Variants in KCNN3 observed in about 807,000 individuals in gnomAD.
The protein encoded by KCNN3 is potassium calcium-activated channel subfamily N member 3.
Under a neutral mutation model 62.9 loss-of-function variants are expected in KCNN3, and 16 were observed. The observed-to-expected ratio is 0.25, with a 90% CI of 0.17 to 0.39. KCNN3 has a LOEUF of 0.39. Ranked by LOEUF, KCNN3 falls within the 10% of genes least tolerant of loss-of-function variation. The pLI, the probability that KCNN3 is intolerant of heterozygous loss-of-function variation, is 1.00. For synonymous variants in KCNN3, 370 were observed against 389.2 expected (o/e 0.95, Z 0.58); for missense variants, 599 against 949.4 (o/e 0.63, Z 4.85).
chr1:154,825,918 G>T (rs1036926559), intron 1 of KCNN3, among the ~76,000 whole-genome samples: 5 of 151,598 alleles, frequency 3.3e-5, no homozygotes, highest in African/African-American at 1.2e-4. Flanking sequence ...CGTGGTGGCA[G>T]GCGCCTGTAG....
intron 3 of KCNN3, chr1:154,737,016 A>G (rs1033690632): frequency 8.5e-6 from 6 of 701,836 alleles, no homozygotes; most frequent in Middle Eastern, 2.3e-4. Context: ...GAGCTTCGTC[A>G]TGGAGATAAG....
At chr1:154,715,095 C>T (rs1446633729) in intron 5 of KCNN3, 92 bp from the exon 6 acceptor site, 14 of 1,472,654 alleles carry the variant, frequency 9.5e-6, no homozygotes, top group Admixed American at 6.8e-5. Flanking sequence ...CATAAGGAAA[C>T]GATTTTGCAA....
chr1:154,751,237 G>GGA (rs1287306917), intron 3 of KCNN3, among the ~76,000 whole-genome samples: 1 of 152,164 alleles, frequency 6.6e-6, no homozygotes, highest in African/African-American at 2.4e-5. Flanking sequence ...TACAATATGA[G>GGA]GATTTGGCTA....
At chr1:154,730,100 T>C (rs2101788563) in intron 4 of KCNN3, among the ~76,000 whole-genome samples, 1 of 152,356 alleles carries the variant, frequency 6.6e-6, no homozygotes, top group Admixed American at 6.5e-5. Context: ...CACTGTCATT[T>C]CCAATTCTGG....
intron 5 of KCNN3, among the ~76,000 whole-genome samples, chr1:154,715,400 T>A (rs1163835362): frequency 8.1e-6 from 1 of 123,928 alleles, no homozygotes; most frequent in Non-Finnish European, 1.6e-5. Context: ...CACGCCATAC[T>A]CCAGCCTTGG....
At chr1:154,831,276 C>A (rs1651369109) in intron 1 of KCNN3, among the ~76,000 whole-genome samples, 1 of 152,132 alleles carries the variant, frequency 6.6e-6, no homozygotes, top group Non-Finnish European at 1.5e-5. Flanking sequence ...AGACTTAAAC[C>A]TTTGGGCTCC....
chr1:154,727,165 G>A (rs1230015077), intron 4 of KCNN3, among the ~76,000 whole-genome samples: 1 of 152,164 alleles, frequency 6.6e-6, no homozygotes, highest in African/African-American at 2.4e-5. Flanking sequence ...TGCATGCTGT[G>A]CCCTGCGCCG....
chr1:154,765,134 A>C (rs1648199738), intron 3 of KCNN3, among the ~76,000 whole-genome samples: 1 of 152,184 alleles, frequency 6.6e-6, no homozygotes, highest in Non-Finnish European at 1.5e-5. Flanking sequence ...GGGTATGTCT[A>C]GGGGTGGCTC....
intron 3 of KCNN3, among the ~76,000 whole-genome samples, chr1:154,770,559 A>C (rs1337118218): frequency 6.6e-6 from 1 of 152,180 alleles, no homozygotes; most frequent in Non-Finnish European, 1.5e-5. Flanking sequence ...ATTACACAGG[A>C]TGCTTCACCA....
intron 3 of KCNN3, among the ~76,000 whole-genome samples, chr1:154,751,835 A>G (rs187707505): frequency 5.3e-5 from 8 of 152,152 alleles, no homozygotes; most frequent in African/African-American, 1.9e-4. Flanking sequence ...ACTAAAACCC[A>G]CCTCTGACTC....
rs529867560 is a variant in KCNN3 at position 154,812,586 on chromosome 1, C to T, written c.1029+9503G>A. ...TTCTATTAAGCTGAGCACTTGTTCC[C>T]CATGACTTTGGAGAAGTGGGAGTGC... On this transcript the variant is annotated intron_variant, in intron 2 of 7. Coordinates refer to ENST00000271915, the MANE Select transcript of KCNN3 (RefSeq NM_002249.6). Among the ~76,000 whole-genome samples the T allele has an allele frequency of 2.6e-5, 4 of 152,242 alleles. No homozygotes were observed. The South Asian group carries it at 6.2e-4, about 24-fold the overall frequency.
rs376517691 is a variant in KCNN3, at chr1:154,809,008, G to A, written c.1029+13081C>T. On this transcript the variant is annotated intron_variant, in intron 2 of 7. Transcript: ENST00000271915. This position sits in a 1 kb window ranked among gnomAD's most constrained non-coding sequence, Gnocchi z 4.3. Reference sequence around the variant, plus strand: ...TGCTCTGCGCCCACTGGATGGCTCCGCCGTGTCTGGTTACTGATCTCTGGT... The same window carrying A: ...TGCTCTGCGCCCACTGGATGGCTCCACCGTGTCTGGTTACTGATCTCTGGT... 2.6e-5 allele frequency among the ~76,000 whole-genome samples: 4 copies of A among 152,150 alleles called. No homozygotes were observed. Among genetic ancestry groups the A allele is most frequent in the Admixed American group, 1.3e-4 (2 of 15,278 alleles).
intron 5 of KCNN3, among the ~76,000 whole-genome samples, chr1:154,717,096 C>T (rs147422294): frequency 1.3e-5 from 2 of 152,318 alleles, no homozygotes; most frequent in Admixed American, 6.5e-5. Flanking sequence ...TGCTATGAGG[C>T]AGTGATGATG....
intron 7 of KCNN3, 78 bp from the exon 8 acceptor site, chr1:154,708,350 G>T (rs1209306592): frequency 9.9e-6 from 14 of 1,420,068 alleles, no homozygotes; most frequent in Non-Finnish European, 1.4e-5. Context: ...GAAATGAAAC[G>T]CCCTCCACAG....
rs990994720 is a variant in KCNN3, at chr1:154,864,121, G to A, written c.933+4911C>T. On this transcript the variant is annotated intron_variant, in intron 1 of 7. Transcript: ENST00000271915. The stretch of plus-strand genomic sequence containing the variant: ...GACAAAATGTGTGCCTAGGGCCCTC[G>A]GCAGTGGGCTCGCAGGCTCTCAGCC... Among the ~76,000 whole-genome samples the A allele has an allele frequency of 3.3e-5, 5 of 152,284 alleles. No individual in the cohort carries two copies. In the Middle Eastern group the frequency reaches 0.01, roughly 311 times the overall value.
At chr1:154,783,734 A>G (rs891521968) in intron 2 of KCNN3, among the ~76,000 whole-genome samples, 2 of 152,222 alleles carry the variant, frequency 1.3e-5, no homozygotes, top group African/African-American at 4.8e-5. Flanking sequence ...ACCTTGGGCC[A>G]GTCCCATGAG....
At chr1:154,806,119 T>C (rs1650163389) in intron 2 of KCNN3, among the ~76,000 whole-genome samples, 2 of 151,954 alleles carry the variant, frequency 1.3e-5, no homozygotes, top group Non-Finnish European at 2.9e-5. Flanking sequence ...AATGGGGCCG[T>C]TGTGGGGTAT....
At chr1:154,750,317 C>T (rs1472593514) in intron 3 of KCNN3, among the ~76,000 whole-genome samples, 1 of 152,208 alleles carries the variant, frequency 6.6e-6, no homozygotes, top group Non-Finnish European at 1.5e-5. Context: ...CTCCTGCACC[C>T]CTCCTCACCC....
intron 1 of KCNN3, among the ~76,000 whole-genome samples, chr1:154,830,351 C>T (rs1349315674): frequency 6.6e-6 from 1 of 152,224 alleles, no homozygotes; most frequent in African/African-American, 2.4e-5. Flanking sequence ...CAAACCTGTG[C>T]TCTCACCACT....
Sources: gnomAD v4.1 joint callset for allele counts (sites outside exome capture counted in the v4.1 genomes callset) on GRCh38, gnomAD v4.1.1 for gene constraint, Gnocchi (gnomAD v3.1) non-coding constraint, MANE v1.5 for transcripts, NCBI Gene and HGNC (gene_info 2026-07-23, HGNC 2026-07-21) for gene names.